ABCA13: variants seen among roughly 807,000 people sequenced by gnomAD.
ABCA13 encodes ATP binding cassette subfamily A member 13, also known as ATP-binding cassette sub-family A member 13.
In ABCA13, 476 loss-of-function variants were observed where a neutral mutation model predicts 478.7. The ratio of observed to expected loss-of-function variants is 0.99; its 90% CI spans 0.92 to 1.07. The LOEUF (loss-of-function observed/expected upper bound fraction) is 1.07. ABCA13 is among the 50% of genes least tolerant of loss of function. The pLI, the probability that ABCA13 is intolerant of heterozygous loss-of-function variation, is 0.00. For synonymous variants in ABCA13, 2,252 were observed against 2,158.9 expected (o/e 1.04, Z -1.20); for missense variants, 6,060 against 5,910.6 (o/e 1.03, Z -0.83).
chr7:48,586,704 G>A (rs1276246428), intron 56 of ABCA13, among the ~76,000 whole-genome samples: 3 of 152,232 alleles, frequency 2.0e-5, no homozygotes, highest in African/African-American at 4.8e-5. Flanking sequence ...TAGCAAACCT[G>A]CACATAGACT....
intron 47 of ABCA13, among the ~76,000 whole-genome samples, chr7:48,484,918 C>T (rs990708771): frequency 1.3e-5 from 2 of 152,178 alleles, no homozygotes; most frequent in African/African-American, 4.8e-5. Flanking sequence ...TCTGTAATGA[C>T]CGGCTTTTTC....
At chr7:48,335,662 T>A (rs1806146094) in intron 28 of ABCA13, 127 bp downstream of exon 28, 2 of 568,250 alleles carry the variant, frequency 3.5e-6, no homozygotes, top group Non-Finnish European at 2.9e-6. Flanking sequence ...TTGACTCATA[T>A]AATTGACATA....
At chr7:48,645,388 G>A in intron 61 of ABCA13, 29 bp from the exon 62 acceptor site, 1 of 1,522,736 alleles carries the variant, frequency 6.6e-7, no homozygotes. Context: ...ATTCTTATAA[G>A]TAAACAACAT....
intron 46 of ABCA13, 33 bp from the exon 47 acceptor site, chr7:48,483,043 T>C: frequency 6.4e-7 from 1 of 1,572,600 alleles, no homozygotes; most frequent in Non-Finnish European, 8.7e-7. Context: ...TGCTCTGTGG[T>C]TGAAGCACTA....
rs370506405 is a variant in ABCA13 at position 48,276,111 on chromosome 7, G to C, written c.6445G>C (p.Val2149Leu). Residue 2149 changes from valine to leucine, a missense_variant, in exon 17 of 62, where the codon GTG (valine) becomes CTG (leucine). Physicochemically the swap from Val to Leu is conservative, Grantham distance 32 (BLOSUM62 1). Coordinates refer to ENST00000435803, the MANE Select transcript of ABCA13 (RefSeq NM_152701.5). ...AATGATAGAAACATTATTCATTCCT[G>C]TGACCAATGAGAGTTCAACTGAAGA... ...SRMIETLFIPVTNESSTEDIA... is the reference protein window; with the variant it reads ...SRMIETLFIPLTNESSTEDIA... The C allele has an allele frequency of 4.0e-5, 64 of 1,598,682 alleles. No individual in the cohort carries two copies. Among genetic ancestry groups the C allele is most frequent in the Non-Finnish European group, 5.3e-5 (62 of 1,171,772 alleles).
intron 54 of ABCA13, among the ~76,000 whole-genome samples, chr7:48,527,127 T>C (rs923597671): frequency 6.6e-6 from 1 of 152,042 alleles, no homozygotes; most frequent in African/African-American, 2.4e-5. Flanking sequence ...TTATTAAAAA[T>C]GTGGTTTATA....
intron 59 of ABCA13, among the ~76,000 whole-genome samples, chr7:48,641,347 T>G (rs146263629): frequency 6.6e-6 from 1 of 152,340 alleles, no homozygotes; most frequent in South Asian, 2.1e-4. Context: ...AGTGGCCTTC[T>G]TCACTCCAAG....
intron 3 of ABCA13, among the ~76,000 whole-genome samples, chr7:48,209,681 T>C (rs1785373126): frequency 6.6e-6 from 1 of 152,238 alleles, no homozygotes; most frequent in African/African-American, 2.4e-5. Flanking sequence ...TCTATGTTCA[T>C]GGATTGCAAT....
chr7:48,330,561 ACATC>A (rs568787723), intron 27 of ABCA13, among the ~76,000 whole-genome samples: 19 of 137,912 alleles, frequency 1.4e-4, no homozygotes, highest in Admixed American at 2.8e-4. Flanking sequence ...ATCCATCCAC[ACATC>A]CATCCATCCA....
chr7:48,382,224 G>A (rs928555585), intron 35 of ABCA13, among the ~76,000 whole-genome samples: 8 of 151,950 alleles, frequency 5.3e-5, no homozygotes, highest in Admixed American at 1.3e-4. Context: ...AGGTATCCCC[G>A]ACCCCAGCAC....
chr7:48,495,043 C>A (rs1830157164), intron 48 of ABCA13, among the ~76,000 whole-genome samples: 1 of 152,096 alleles, frequency 6.6e-6, no homozygotes. Flanking sequence ...ATGAATCGAA[C>A]ACAAAACAAA....
intron 3 of ABCA13, among the ~76,000 whole-genome samples, chr7:48,199,459 G>A (rs1319848957): frequency 6.6e-6 from 1 of 152,108 alleles, no homozygotes; most frequent in African/African-American, 2.4e-5. Flanking sequence ...TCTCTCCAGG[G>A]TCTCTTTTAT....
intron 41 of ABCA13, among the ~76,000 whole-genome samples, chr7:48,413,947 G>A (rs1272076936): frequency 6.6e-6 from 1 of 152,134 alleles, no homozygotes; most frequent in Admixed American, 6.5e-5. Context: ...TTAGACCTAG[G>A]GTTTCTGATA....
Position 48,412,427 on chromosome 7 carries a change from A to G in ABCA13, c.12303A>G (p.Gln4101=), listed in dbSNP as rs774870126. The G allele has an allele frequency of 4.3e-6, 7 of 1,613,716 alleles. No homozygotes were observed. The highest frequency in any genetic ancestry group is 5.1e-6 in the Non-Finnish European group (6 of 1,179,852). ...CCCTGATAAAGATCTATATTCCACA[A>G]GCATTTCTCAAAGACAGCAGTGGAA... ...VTSLIKIYIP[Q]AFLKDSSGSE... The change falls in exon 41 of 62, where the codon CAA becomes CAG. Residue 4101 remains glutamine, a synonymous_variant. Transcript: ENST00000435803.
At chr7:48,353,492 G>T (rs1400253881) in intron 31 of ABCA13, among the ~76,000 whole-genome samples, 1 of 151,392 alleles carries the variant, frequency 6.6e-6, no homozygotes, top group Admixed American at 6.6e-5. Flanking sequence ...ACAGGGACAA[G>T]TACTCATCCT....
chr7:48,355,676 G>A (rs1809785266), intron 31 of ABCA13, among the ~76,000 whole-genome samples: 1 of 152,022 alleles, frequency 6.6e-6, no homozygotes. Context: ...GTAAAAAGTG[G>A]TCTGATTCTT....
At chr7:48,440,899 C>T (rs966072628) in intron 42 of ABCA13, among the ~76,000 whole-genome samples, 1 of 151,540 alleles carries the variant, frequency 6.6e-6, no homozygotes, top group South Asian at 2.1e-4. Context: ...AAGAAAGAAC[C>T]CTGAAGAAAG....
intron 1 of ABCA13, among the ~76,000 whole-genome samples, chr7:48,184,448 T>C (rs1177844091): frequency 6.6e-6 from 1 of 152,186 alleles, no homozygotes; most frequent in African/African-American, 2.4e-5. Context: ...TTTTGTTGTT[T>C]ATGACTTTCG....
chr7:48,566,801 C>A (rs1787116351), intron 55 of ABCA13, among the ~76,000 whole-genome samples: 1 of 152,080 alleles, frequency 6.6e-6, no homozygotes. Context: ...ATTCACAGAG[C>A]AGCAGGTATT....
Sources: gnomAD v4.1 joint callset for allele counts (sites outside exome capture counted in the v4.1 genomes callset) on GRCh38, gnomAD v4.1.1 for gene constraint, MANE v1.5 for transcripts, NCBI Gene and HGNC (gene_info 2026-07-23, HGNC 2026-07-21) for gene names.